FUT4: variants seen among roughly 807,000 people sequenced by gnomAD.
The protein encoded by FUT4 is alpha-(1,3)-fucosyltransferase 4.
A neutral mutation model predicts 3.8 loss-of-function variants in FUT4; 1 was observed. That is an observed-to-expected ratio of 0.26 (90% CI 0.09 to 1.25). The LOEUF is 1.25. Among genes scored for constraint, FUT4 ranks in the 50% most tolerant of loss-of-function variants. The pLI, the probability that FUT4 is intolerant of heterozygous loss-of-function variation, is 0.47. For missense variants in FUT4, 880 were observed against 768.2 expected (o/e 1.15, Z -1.72); for synonymous variants, 417 against 355.3 (o/e 1.17, Z -1.95).
Position 94,544,130 on chromosome 11 carries a change from G to A in FUT4, c.-4G>A. On this transcript the variant is annotated 5_prime_UTR_variant, in exon 1 of 1. Transcript: ENST00000358752. ...ATCAGTTGAGAGAGAATCAAGAGTA[G>A]CGGATGAGGCGCTTGTGGGGCGCGG... 7.2e-7 allele frequency: 1 copy of A among 1,386,268 alleles called. No homozygotes were observed. The highest frequency in any genetic ancestry group is 9.3e-7 in the Non-Finnish European group (1 of 1,071,790). The allele number at this position is 1,386,268 out of a possible 1,614,324, so 85.9% of individuals were successfully genotyped here. A position where few individuals can be genotyped will look rare whatever the true frequency, so the allele number is the denominator to read the frequency against.
chr11:94,545,378 C>T lies in FUT4; in HGVS notation c.1245C>T (p.Asn415=), dbSNP rs1947848673. The T allele has an allele frequency of 1.2e-6, 2 of 1,612,822 alleles. No individual in the cohort carries two copies. The highest frequency in any genetic ancestry group is 3.3e-5 in the Admixed American group (2 of 59,978). The stretch of plus-strand genomic sequence containing the variant: ...ACAAGTTCTACCTGGCTTTCGAGAA[C>T]TCGCAGCACCTGGATTATATCACCG... ...ARYKFYLAFE[N]SQHLDYITEK... The change falls in exon 1 of 1, where the codon AAC becomes AAT. Residue 415 remains asparagine, a synonymous_variant. Transcript: ENST00000358752.
Position 94,544,066 on chromosome 11 carries a change from C to T in FUT4, c.-68C>T, listed in dbSNP as rs1947825517. The T allele has an allele frequency of 7.4e-7, 1 of 1,352,750 alleles. No individual in the cohort carries two copies. Among genetic ancestry groups the T allele is most frequent in the Non-Finnish European group, 9.5e-7 (1 of 1,051,530 alleles). The allele number at this position is 1,352,750 out of a possible 1,614,324, so 83.8% of individuals were successfully genotyped here. ...AGGCGAGGGTTCGGGCCACAGTGAG[C>T]GAGGGCCAGGGCGGTGGGCGCGCGC... On this transcript the variant is annotated 5_prime_UTR_variant, in exon 1 of 1. An upstream open reading frame in the 5' UTR gains an earlier in-frame stop. Coordinates refer to ENST00000358752, the MANE Select transcript of FUT4 (RefSeq NM_002033.4).
rs765714561 is a variant in FUT4 at position 94,544,969 on chromosome 11, C to T, written c.836C>T (p.Ala279Val). 3.1e-5 allele frequency: 50 copies of T among 1,605,784 alleles called. No homozygotes were observed. The highest frequency in any genetic ancestry group is 3.9e-5 in the Non-Finnish European group (46 of 1,176,620). Residue 279 changes from alanine to valine, a missense_variant, in exon 1 of 1, where the codon GCC becomes GTC. Physicochemically the swap from Ala to Val is moderately conservative, Grantham distance 64. Coordinates refer to ENST00000358752, the MANE Select transcript of FUT4 (RefSeq NM_002033.4). ...GAGGAGGCAGCGGCGGCGGCAGAAG[C>T]CCTGGCGACCTCCAGCCCCAGGCCC... is the stretch of plus-strand genomic sequence containing the variant. ...DYEEAAAAAEALATSSPRPPG... is the reference protein window; with the variant it reads ...DYEEAAAAAEVLATSSPRPPG...
rs543595914 is a variant in FUT4, at chr11:94,544,224, T to C, written c.91T>C (p.Trp31Arg). The C allele has an allele frequency of 1.4e-5, 20 of 1,456,160 alleles. No homozygotes were observed. The South Asian group carries it at 2.9e-4, about 21-fold the overall frequency. 90.2% of individuals were successfully genotyped at this position (1,456,160 alleles called of 1,614,324 possible). A position where few individuals can be genotyped will look rare whatever the true frequency, so the allele number is the denominator to read the frequency against. Reference protein sequence around the residue: ...AEAPQEAPGAWSGRLGPGRSG... With the variant: ...AEAPQEAPGARSGRLGPGRSG... ...GGCGCCGCAGGAGGCTCCCGGGGCC[T>C]GGTCGGGCCGGCTGGGCCCCGGGCG... is the stretch of plus-strand genomic sequence containing the variant. Residue 31 changes from tryptophan to arginine, a missense_variant, in exon 1 of 1, where the codon TGG (tryptophan) becomes CGG (arginine). Trp to Arg is a moderately radical substitution (Grantham distance 101). Around this residue, in one of 3 missense-constraint regions of FUT4, gnomAD observed 447 missense variants for 339.5 expected, o/e 1.32. Coordinates refer to ENST00000358752, the MANE Select transcript of FUT4 (RefSeq NM_002033.4).
Position 94,545,889 on chromosome 11 carries a change from A to T in FUT4, c.*163A>T. ...TTTACCAATTAATATTACTCAGCAC[A>T]GAGATGGGGGCCCGGTTTCCATATT... is the stretch of plus-strand genomic sequence containing the variant. On this transcript the variant is annotated 3_prime_UTR_variant, in exon 1 of 1. Transcript: ENST00000358752. The T allele has an allele frequency of 1.1e-6, 1 of 901,662 alleles. No homozygotes were observed. The highest frequency in any genetic ancestry group is 2.0e-5 in the Admixed American group (1 of 50,174). 55.9% of individuals were successfully genotyped at this position (901,662 alleles called of 1,614,324 possible).
At position 94,548,401 on chromosome 11, in the gene FUT4, C is replaced by G. The variant is rs1455086576; in HGVS notation, c.*2675C>G. 6.6e-6 allele frequency: 1 copy of G among 152,640 alleles called. No homozygotes were observed. The highest frequency in any genetic ancestry group is 1.5e-5 in the Non-Finnish European group (1 of 68,116). 9.5% of individuals were successfully genotyped at this position (152,640 alleles called of 1,614,324 possible). Reference sequence around the variant, plus strand: ...GAGACTACAGGCGCCTGCCACCACGCCTGGCCAATTTTTTGTATTTTTAGT... The same window carrying G: ...GAGACTACAGGCGCCTGCCACCACGGCTGGCCAATTTTTTGTATTTTTAGT... On this transcript the variant is annotated 3_prime_UTR_variant, in exon 1 of 1. Coordinates refer to ENST00000358752, the MANE Select transcript of FUT4 (RefSeq NM_002033.4).
rs1947888739 is a variant in FUT4 at position 94,548,417 on chromosome 11, T to G, written c.*2691T>G. 6.5e-6 allele frequency: 1 copy of G among 153,064 alleles called. No homozygotes were observed. Among genetic ancestry groups the G allele is most frequent in the African/African-American group, 2.4e-5 (1 of 41,528 alleles). 9.5% of individuals were successfully genotyped at this position (153,064 alleles called of 1,614,324 possible). Reference sequence around the variant, plus strand: ...GCCACCACGCCTGGCCAATTTTTTGTATTTTTAGTAGAGACTGCGTTTCAC... The same window carrying G: ...GCCACCACGCCTGGCCAATTTTTTGGATTTTTAGTAGAGACTGCGTTTCAC... On this transcript the variant is annotated 3_prime_UTR_variant, in exon 1 of 1. Transcript: ENST00000358752.
rs1219914887 is a variant in FUT4 at position 94,544,225 on chromosome 11, G to C, written c.92G>C (p.Trp31Ser). The part of the protein sequence containing the change: ...AEAPQEAPGA[W>S]SGRLGPGRSG... ...GCGCCGCAGGAGGCTCCCGGGGCCT[G>C]GTCGGGCCGGCTGGGCCCCGGGCGC... The change falls in exon 1 of 1, where the codon TGG becomes TCG. Residue 31 changes from tryptophan to serine, a missense_variant. By Grantham distance (177) the Trp-to-Ser change is radical. Coordinates refer to ENST00000358752, the MANE Select transcript of FUT4 (RefSeq NM_002033.4). The C allele has an allele frequency of 6.8e-7, 1 of 1,462,632 alleles. No homozygotes were observed. Among genetic ancestry groups the C allele is most frequent in the East Asian group, 2.8e-5 (1 of 35,772 alleles). The allele number at this position is 1,462,632 out of a possible 1,614,324, so 90.6% of individuals were successfully genotyped here. A position where few individuals can be genotyped will look rare whatever the true frequency, so the allele number is the denominator to read the frequency against.
rs1315753252 is a variant in FUT4, at chr11:94,546,814, A to G, written c.*1088A>G. ...ATTGCACTACATTATGGAATCATGC[A>G]AAAGGAAAAAAAGTTTCATGATATC... On this transcript the variant is annotated 3_prime_UTR_variant, in exon 1 of 1. Transcript: ENST00000358752. 1 of 166,956 alleles carries G rather than the reference A, an allele frequency of 6.0e-6. No individual in the cohort carries two copies. Among genetic ancestry groups the G allele is most frequent in the Non-Finnish European group, 1.5e-5 (1 of 68,108 alleles). The allele number at this position is 166,956 out of a possible 1,614,324, so 10.3% of individuals were successfully genotyped here.
rs1269568609 is a variant in FUT4, at chr11:94,544,704, G to T, written c.571G>T (p.Val191Leu). 11 of 1,549,486 alleles carry T rather than the reference G, an allele frequency of 7.1e-6. No homozygotes were observed. The highest frequency in any genetic ancestry group is 9.5e-6 in the Non-Finnish European group (11 of 1,161,326). The change falls in exon 1 of 1, where the codon GTG (valine) becomes TTG (leucine). Residue 191 changes from valine (V) to leucine (L), a missense_variant. Transcript: ENST00000358752. ...GCCAACCCCGTCGCGACCGGTGGGC[G>T]TGCTGCTGTGGTGGGAGCCCTTCGG... Reference protein sequence around the residue: ...ASPTPSRPVGVLLWWEPFGGR... With the variant: ...ASPTPSRPVGLLLWWEPFGGR...
Position 94,546,898 on chromosome 11 carries a change from G to C in FUT4, c.*1172G>C, listed in dbSNP as rs1455951394. Reference sequence around the variant, plus strand: ...TTTTAGTTAAATGTTTAGATCCTCAGAACTACATTAGTGCCTACTATTAAC... The same window carrying C: ...TTTTAGTTAAATGTTTAGATCCTCACAACTACATTAGTGCCTACTATTAAC... On this transcript the variant is annotated 3_prime_UTR_variant, in exon 1 of 1. Coordinates refer to ENST00000358752, the MANE Select transcript of FUT4 (RefSeq NM_002033.4). The C allele has an allele frequency of 1.2e-5, 2 of 167,060 alleles. No homozygotes were observed. Among genetic ancestry groups the C allele is most frequent in the Non-Finnish European group, 2.9e-5 (2 of 68,110 alleles). The allele number at this position is 167,060 out of a possible 1,614,324, so 10.3% of individuals were successfully genotyped here.
At position 94,545,328 on chromosome 11, in the gene FUT4, G is replaced by C; in HGVS notation, c.1195G>C (p.Gly399Arg). The C allele has an allele frequency of 6.2e-7, 1 of 1,612,730 alleles. No homozygotes were observed. Among genetic ancestry groups the C allele is most frequent in the African/African-American group, 1.3e-5 (1 of 75,036 alleles). ...GGPGQPVPEI[G>R]LLHTVARYKF... ...GCCGGGGCAGCCGGTGCCCGAAATT[G>C]GGCTCCTGCACACAGTGGCCCGCTA... is the stretch of plus-strand genomic sequence containing the variant. The change falls in exon 1 of 1, where the codon GGG becomes CGG. Residue 399 changes from glycine to arginine, a missense_variant. Coordinates refer to ENST00000358752, the MANE Select transcript of FUT4 (RefSeq NM_002033.4).
chr11:94,545,879 TACTC>T lies in FUT4; in HGVS notation c.*155_*158del. On this transcript the variant is annotated 3_prime_UTR_variant, in exon 1 of 1. Transcript: ENST00000358752. ...AAAAAAACGATTTACCAATTAATAT[TACTC>T]AGCACAGAGATGGGGGCCCGGTTTC... 2.1e-6 allele frequency: 2 copies of T among 967,980 alleles called. No homozygotes were observed. Among genetic ancestry groups the T allele is most frequent in the Non-Finnish European group, 3.2e-6 (2 of 615,472 alleles). 60.0% of individuals were successfully genotyped at this position (967,980 alleles called of 1,614,324 possible).
Position 94,545,336 on chromosome 11 carries a change from G to T in FUT4, c.1203G>T (p.Leu401=). The T allele has an allele frequency of 6.2e-7, 1 of 1,612,786 alleles. No individual in the cohort carries two copies. Residue 401 remains leucine (L), a synonymous_variant, in exon 1 of 1, where the codon CTG becomes CTT. Coordinates refer to ENST00000358752, the MANE Select transcript of FUT4 (RefSeq NM_002033.4). The part of the protein sequence containing the change: ...PGQPVPEIGL[L]HTVARYKFYL... ...AGCCGGTGCCCGAAATTGGGCTCCTGCACACAGTGGCCCGCTACAAGTTCT... is the reference window on the plus strand; with the variant it reads ...AGCCGGTGCCCGAAATTGGGCTCCTTCACACAGTGGCCCGCTACAAGTTCT...
rs117324437 is a variant in FUT4, at chr11:94,548,016, G to A, written c.*2290G>A. On this transcript the variant is annotated 3_prime_UTR_variant, in exon 1 of 1. Coordinates refer to ENST00000358752, the MANE Select transcript of FUT4 (RefSeq NM_002033.4). The stretch of plus-strand genomic sequence containing the variant: ...TATAGGTCTAAAATTATATCTTAAG[G>A]TATGTTGTAGAATAAATTAAAAGGA... 0.017 allele frequency: 2,842 copies of A among 166,758 alleles called. 45 individuals are homozygous for A. Among genetic ancestry groups the A allele is most frequent in the Non-Finnish European group, 0.03 (2,058 of 68,102 alleles). 10.3% of individuals were successfully genotyped at this position (166,758 alleles called of 1,614,324 possible).
In FUT4 at chr11:94,544,956, G is replaced by A; in HGVS notation, c.823G>A (p.Ala275Thr). 6.2e-7 allele frequency: 1 copy of A among 1,605,416 alleles called. No individual in the cohort carries two copies. The highest frequency in any genetic ancestry group is 8.5e-7 in the Non-Finnish European group (1 of 1,176,480). ...CGTGTTGGACTACGAGGAGGCAGCG[G>A]CGGCGGCAGAAGCCCTGGCGACCTC... ...LRVLDYEEAA[A>T]AAEALATSSP... Residue 275 changes from alanine to threonine, a missense_variant, in exon 1 of 1, where the codon GCG (alanine) becomes ACG (threonine). Ala to Thr is a moderately conservative substitution (Grantham distance 58, BLOSUM62 0). This residue lies in a region of FUT4 where 424 missense variants were observed against 400.4 expected (regional missense o/e 1.06). Coordinates refer to ENST00000358752, the MANE Select transcript of FUT4 (RefSeq NM_002033.4).
At position 94,545,773 on chromosome 11, in the gene FUT4, T is replaced by A. The variant is rs985872066; in HGVS notation, c.*47T>A. ...ACCCAGGGGAGGCCAAGTTGTCAGC[T>A]TTTTGATCCTCTACTGTGCATCTCC... On this transcript the variant is annotated 3_prime_UTR_variant, in exon 1 of 1. Transcript: ENST00000358752. The A allele has an allele frequency of 1.9e-6, 3 of 1,567,026 alleles. No homozygotes were observed. Among genetic ancestry groups the A allele is most frequent in the Non-Finnish European group, 8.7e-7 (1 of 1,155,154 alleles).
rs1947901358 is a variant in FUT4, at chr11:94,549,370, A to C, written c.*3644A>C. On this transcript the variant is annotated 3_prime_UTR_variant, in exon 1 of 1. Coordinates refer to ENST00000358752, the MANE Select transcript of FUT4 (RefSeq NM_002033.4). ...AGGCCCACTGAAGGACTTGCATAAC[A>C]TTACAATAGCAGTGGCAGAACCAGC... 6.0e-6 allele frequency: 1 copy of C among 167,072 alleles called. No individual in the cohort carries two copies. Among genetic ancestry groups the C allele is most frequent in the Non-Finnish European group, 1.5e-5 (1 of 68,128 alleles). 10.3% of individuals were successfully genotyped at this position (167,072 alleles called of 1,614,324 possible).
In FUT4 at chr11:94,544,278, G is replaced by T. The variant is rs1947829567; in HGVS notation, c.145G>T (p.Gly49Cys). ...RSGRKGRAVP[G>C]WASWPAHLAL... ...TGGAAGAAAGGGACGGGCGGTGCCC[G>T]GTTGGGCGTCCTGGCCAGCTCACCT... Residue 49 changes from glycine to cysteine, a missense_variant, in exon 1 of 1, where the codon GGT (glycine) becomes TGT (cysteine). By Grantham distance (159) the Gly-to-Cys change is radical (BLOSUM62 -3). Around this residue, in one of 3 missense-constraint regions of FUT4, gnomAD observed 447 missense variants for 339.5 expected, o/e 1.32. Coordinates refer to ENST00000358752, the MANE Select transcript of FUT4 (RefSeq NM_002033.4). 2 of 1,549,644 alleles carry T rather than the reference G, an allele frequency of 1.3e-6. No individual in the cohort carries two copies. The highest frequency in any genetic ancestry group is 1.4e-5 in the African/African-American group (1 of 70,074).
Sources: gnomAD v4.1 joint callset for allele counts on GRCh38, gnomAD v4.1.1 for gene constraint, gnomAD v4.1.1 regional missense constraint, MANE v1.5 for transcripts, NCBI Gene and HGNC (gene_info 2026-07-23, HGNC 2026-07-21) for gene names.